The following HS3ST4 variants were observed in gnomAD, a reference collection of about 807,000 sequenced individuals.
HS3ST4 encodes heparan sulfate glucosamine 3-O-sulfotransferase 4.
A neutral mutation model predicts 29.2 loss-of-function variants in HS3ST4; 17 were observed. That is an observed-to-expected ratio of 0.58 (90% CI 0.40 to 0.87). The LOEUF is 0.87. HS3ST4 is among the 40% of genes least tolerant of loss of function. The pLI is 0.00. For synonymous variants in HS3ST4, 314 were observed against 285.7 expected (o/e 1.10, Z -1.00); for missense variants, 627 against 634.5 (o/e 0.99, Z 0.13).
intron 1 of HS3ST4, among the ~76,000 whole-genome samples, chr16:26,021,884 G>A (rs1426943181): frequency 1.3e-5 from 2 of 151,860 alleles, no homozygotes; most frequent in African/African-American, 2.4e-5. Context: ...GGCTGGTATT[G>A]ATCTCCTGAC....
chr16:25,724,599 T>C (rs1012308634), intron 1 of HS3ST4, among the ~76,000 whole-genome samples: 1 of 152,052 alleles, frequency 6.6e-6, no homozygotes, highest in Admixed American at 6.6e-5. Flanking sequence ...CCTGAACTCG[T>C]GATCCCCCCA....
intron 1 of HS3ST4, among the ~76,000 whole-genome samples, chr16:25,809,935 G>T (rs1170000249): frequency 6.6e-6 from 1 of 151,938 alleles, no homozygotes; most frequent in African/African-American, 2.4e-5. Context: ...CAAAGAACCA[G>T]CTATTTGTTT....
intron 1 of HS3ST4, among the ~76,000 whole-genome samples, chr16:26,103,459 A>G (rs1370909289): frequency 6.6e-6 from 1 of 152,178 alleles, no homozygotes; most frequent in Non-Finnish European, 1.5e-5. Context: ...CCGTTAACAG[A>G]TACTAAATGT....
intron 1 of HS3ST4, among the ~76,000 whole-genome samples, chr16:25,811,478 G>A (rs1229329057): frequency 6.9e-6 from 1 of 144,668 alleles, no homozygotes; most frequent in Non-Finnish European, 1.5e-5. Flanking sequence ...TTGTTGCCCA[G>A]GCTGGAGTGC....
chr16:25,828,385 G>A (rs1228264869), intron 1 of HS3ST4, among the ~76,000 whole-genome samples: 1 of 140,220 alleles, frequency 7.1e-6, no homozygotes, highest in Non-Finnish European at 1.5e-5. Flanking sequence ...CTGTCATTCA[G>A]CCTGGAGTGC....
intron 1 of HS3ST4, among the ~76,000 whole-genome samples, chr16:25,999,762 ATATATATATT>A (rs1424746785): frequency 1.4e-5 from 2 of 139,042 alleles, no homozygotes; most frequent in Admixed American, 7.6e-5. Context: ...TGTATATTTT[ATATATATATT>A]TATATATATT....
chr16:25,843,261 C>T (rs879518266), intron 1 of HS3ST4, among the ~76,000 whole-genome samples: 5 of 152,122 alleles, frequency 3.3e-5, no homozygotes, highest in Non-Finnish European at 7.4e-5. Flanking sequence ...TGCAGACAGA[C>T]GATGCTATCA....
At chr16:25,751,853 G>A (rs1966722946) in intron 1 of HS3ST4, among the ~76,000 whole-genome samples, 1 of 152,170 alleles carries the variant, frequency 6.6e-6, no homozygotes. Context: ...GCTGGTACTG[G>A]AGCAATCGGG....
At chr16:25,869,586 G>A (rs151112802) in intron 1 of HS3ST4, among the ~76,000 whole-genome samples, 271 of 152,226 alleles carry the variant, frequency 1.8e-3, no homozygotes, top group Middle Eastern at 6.8e-3. Context: ...GTGGGAGCTT[G>A]GACAGACATC....
chr16:25,839,772 T>C (rs999154347), intron 1 of HS3ST4, among the ~76,000 whole-genome samples: 8 of 152,182 alleles, frequency 5.3e-5, no homozygotes, highest in African/African-American at 1.9e-4. Flanking sequence ...TTTTCTGCCT[T>C]GACATGCCCC....
At chr16:25,909,907 C>T (rs554422351) in intron 1 of HS3ST4, among the ~76,000 whole-genome samples, 3 of 151,998 alleles carry the variant, frequency 2.0e-5, no homozygotes, top group African/African-American at 4.8e-5. Flanking sequence ...GCTGTATTGC[C>T]CAGGCTGGAG....
intron 1 of HS3ST4, among the ~76,000 whole-genome samples, chr16:25,778,678 GGA>G (rs978867875): frequency 1.3e-5 from 2 of 152,058 alleles, no homozygotes; most frequent in African/African-American, 4.8e-5. Context: ...GAGTGAAGAA[GGA>G]GAGTTCTTGA....
chr16:26,127,154 A>G (rs1043193394), intron 1 of HS3ST4, among the ~76,000 whole-genome samples: 3 of 152,092 alleles, frequency 2.0e-5, no homozygotes, highest in Admixed American at 1.3e-4. Context: ...TCATCCATCT[A>G]CATTCTGTTC....
At position 26,136,329 on chromosome 16, in the gene HS3ST4, C is replaced by G; in HGVS notation, c.*81C>G. ...TCCTTGAATACCCCAGCTTCTGCAG[C>G]TTCACTTGCTGGAGTGCCAAGTAGA... On this transcript the variant is annotated 3_prime_UTR_variant, in exon 2 of 2. Transcript: ENST00000331351. The G allele has an allele frequency of 2.3e-6, 3 of 1,321,498 alleles. No homozygotes were observed. The highest frequency in any genetic ancestry group is 3.1e-6 in the Non-Finnish European group (3 of 979,754). 81.9% of individuals were successfully genotyped at this position (1,321,498 alleles called of 1,614,324 possible).
chr16:25,773,246 A>G (rs1359459419), intron 1 of HS3ST4, among the ~76,000 whole-genome samples: 1 of 152,096 alleles, frequency 6.6e-6, no homozygotes, highest in East Asian at 1.9e-4. Context: ...GTTCAGGCTG[A>G]CTTCTGTGTT....
In HS3ST4 at chr16:25,703,757, A is replaced by T. The variant is rs182055318; in HGVS notation, c.734+10606A>T. 6.5e-3 allele frequency among the ~76,000 whole-genome samples: 982 copies of T among 151,704 alleles called. 14 individuals carry two copies. The highest frequency in any genetic ancestry group is 0.023 in the African/African-American group (943 of 41,374). Reference sequence around the variant, plus strand: ...CTCATTCCCCCTTTAGGGCCATTTTATTCTCTTTTCCCTCCTCCTGGAATA... The same window carrying T: ...CTCATTCCCCCTTTAGGGCCATTTTTTTCTCTTTTCCCTCCTCCTGGAATA... On this transcript the variant is annotated intron_variant, in intron 1 of 1. Coordinates refer to ENST00000331351, the MANE Select transcript of HS3ST4 (RefSeq NM_006040.3).
At chr16:25,897,084 C>G (rs1296735039) in intron 1 of HS3ST4, among the ~76,000 whole-genome samples, 2 of 152,072 alleles carry the variant, frequency 1.3e-5, no homozygotes. Flanking sequence ...CAATTGTACT[C>G]CAAACCCCAG....
At chr16:26,087,537 T>C (rs565853329) in intron 1 of HS3ST4, among the ~76,000 whole-genome samples, 1 of 152,118 alleles carries the variant, frequency 6.6e-6, no homozygotes, top group South Asian at 2.1e-4. Context: ...GGTCCTCTGA[T>C]TGAAACCCTT....
chr16:25,832,186 A>G (rs540788854), intron 1 of HS3ST4, among the ~76,000 whole-genome samples: 38 of 152,268 alleles, frequency 2.5e-4, no homozygotes, highest in African/African-American at 8.9e-4. Context: ...TTTTAAGAGG[A>G]TCAGGGTCTC....
Sources: gnomAD v4.1 joint callset for allele counts (sites outside exome capture counted in the v4.1 genomes callset) on GRCh38, gnomAD v4.1.1 for gene constraint, MANE v1.5 for transcripts, NCBI Gene and HGNC (gene_info 2026-07-23, HGNC 2026-07-21) for gene names.